The following TBC1D2 variants were observed in gnomAD, a reference collection of about 807,000 sequenced individuals.
TBC1D2 encodes the protein TBC1 domain family member 2A.
TBC1D2 carries 58 observed loss-of-function variants against 91.1 expected under a neutral mutation model. The ratio of observed to expected loss-of-function variants is 0.64; its 90% CI spans 0.52 to 0.79. TBC1D2 has a LOEUF of 0.79. Among genes scored for constraint, TBC1D2 ranks in the 30% least tolerant of loss-of-function variants. TBC1D2 has a pLI of 0.00. For synonymous variants in TBC1D2, 482 were observed against 511.5 expected, an observed-to-expected ratio of 0.94 and a Z score of 0.78; for missense variants, 1,080 against 1,208.3, an observed-to-expected ratio of 0.89 and a Z score of 1.57.
intron 5 of TBC1D2, among the ~76,000 whole-genome samples, chr9:98,226,858 T>A (rs1011800236): frequency 2.6e-4 from 39 of 152,184 alleles, no homozygotes; most frequent in African/African-American, 9.4e-4. Context: ...CCCTTATTAA[T>A]CTCCAAGAAT....
Position 98,233,464 on chromosome 9 carries a change from C to T in TBC1D2, c.733G>A (p.Glu245Lys), listed in dbSNP as rs1172657218. Residue 245 changes from glutamate to lysine, a missense_variant, in exon 4 of 13, where the codon GAG (glutamate) becomes AAG (lysine). Glu to Lys is a moderately conservative substitution (Grantham distance 56). Transcript: ENST00000465784. The stretch of plus-strand genomic sequence containing the variant: ...AAGGGCTGCTCCTCCCTCTGAGGCT[C>T]CCCACTCTGTGGAGAATCTTCCCCT... ...PPGEDSPQSG[E>K]PQREEQPLAS... 4.3e-6 allele frequency: 7 copies of T among 1,614,038 alleles called. No individual in the cohort carries two copies. In the African/African-American group the frequency reaches 9.3e-5, roughly 22 times the overall value.
In TBC1D2 at chr9:98,210,643, C is replaced by T; in HGVS notation, c.1673+13G>A. ...CTCACATAGACCAGCCCTTCCTGGG[C>T]CGCCAGGCTCACCTGATGGGGCTCA... On this transcript the variant is annotated intron_variant, in intron 8 of 12. Transcript: ENST00000465784. 11 of 1,567,194 alleles carry T rather than the reference C, an allele frequency of 7.0e-6. No homozygotes were observed. Among genetic ancestry groups the T allele is most frequent in the Non-Finnish European group, 9.5e-6 (11 of 1,154,028 alleles).
Position 98,208,710 on chromosome 9 carries a change from G to A in TBC1D2, c.2108C>T (p.Ser703Phe). 6.5e-7 allele frequency: 1 copy of A among 1,543,448 alleles called. No individual in the cohort carries two copies. The highest frequency in any genetic ancestry group is 8.8e-7 in the Non-Finnish European group (1 of 1,141,594). The change falls in exon 9 of 13, where the codon TCC (serine) becomes TTC (phenylalanine). Residue 703 changes from serine (S) to phenylalanine (F), a missense_variant. Ser to Phe is a radical substitution (Grantham distance 155). Coordinates refer to ENST00000465784, the MANE Select transcript of TBC1D2 (RefSeq NM_001267571.2). Reference sequence around the variant, plus strand: ...GTAGCCGATGGTGGGGTTCTGCCAGGAGAAGGCCAGCAGCACCCGGCGGAG... The same window carrying A: ...GTAGCCGATGGTGGGGTTCTGCCAGAAGAAGGCCAGCAGCACCCGGCGGAG... ...DKLRRVLLAF[S>F]WQNPTIGYCQ...
intron 3 of TBC1D2, among the ~76,000 whole-genome samples, chr9:98,239,173 C>T (rs1328957890): frequency 6.6e-6 from 1 of 152,122 alleles, no homozygotes; most frequent in South Asian, 2.1e-4. Context: ...ATCCTTCCAC[C>T]TCAGCCTACA....
At chr9:98,218,579 TA>T (rs897420526) in intron 6 of TBC1D2, among the ~76,000 whole-genome samples, 4 of 151,034 alleles carry the variant, frequency 2.6e-5, no homozygotes, top group East Asian at 1.9e-4. Context: ...AAAATAAAAA[TA>T]AAAAAAAATA....
At chr9:98,209,472 T>C (rs755056544) in intron 8 of TBC1D2, among the ~76,000 whole-genome samples, 7 of 152,198 alleles carry the variant, frequency 4.6e-5, no homozygotes, top group Non-Finnish European at 1.0e-4. Context: ...TATTACTCCA[T>C]GCAGCCTTAG....
chr9:98,235,444 GA>G, intron 3 of TBC1D2: 1 of 480,390 alleles, frequency 2.1e-6, no homozygotes, highest in Non-Finnish European at 4.1e-6. Flanking sequence ...ACAGCTAATT[GA>G]AAAAATGAAT....
At chr9:98,233,870 C>T (rs1490264154) in intron 3 of TBC1D2, among the ~76,000 whole-genome samples, 2 of 152,188 alleles carry the variant, frequency 1.3e-5, no homozygotes, top group Admixed American at 6.5e-5. Flanking sequence ...TTAACTGATG[C>T]ACCTACAATG....
chr9:98,203,273 C>T lies in TBC1D2; in HGVS notation c.2271+15G>A, dbSNP rs1828558499. On this transcript the variant is annotated intron_variant, in intron 10 of 12. Coordinates refer to ENST00000465784, the MANE Select transcript of TBC1D2 (RefSeq NM_001267571.2). Reference sequence around the variant, plus strand: ...GCCCTACATGGCTGCAAAGTCCCCTCCTGGCCCCACTTACCTGGGATGCCG... The same window carrying T: ...GCCCTACATGGCTGCAAAGTCCCCTTCTGGCCCCACTTACCTGGGATGCCG... 6.2e-7 allele frequency: 1 copy of T among 1,613,910 alleles called. No homozygotes were observed. Among genetic ancestry groups the T allele is most frequent in the Non-Finnish European group, 8.5e-7 (1 of 1,179,914 alleles).
intron 12 of TBC1D2, among the ~76,000 whole-genome samples, 157 bp from the exon 13 acceptor site, chr9:98,199,745 C>T (rs1828435822): frequency 6.6e-6 from 1 of 152,146 alleles, no homozygotes; most frequent in African/African-American, 2.4e-5. Context: ...GATTTCCACC[C>T]ACAGAGATAT....
intron 3 of TBC1D2, among the ~76,000 whole-genome samples, chr9:98,242,929 C>T (rs1486996483): frequency 1.3e-5 from 2 of 149,054 alleles, no homozygotes; most frequent in Non-Finnish European, 3.0e-5. Context: ...CAGGCACATG[C>T]CACTATGCCT....
rs146600112 is a variant in TBC1D2, at chr9:98,221,088, G to A, written c.1119C>T (p.Gly373=). 6.2e-6 allele frequency: 10 copies of A among 1,608,102 alleles called. No homozygotes were observed. In the African/African-American group the frequency reaches 1.2e-4, roughly 19 times the overall value. The change falls in exon 6 of 13, where the codon GGC becomes GGT. Residue 373 remains glycine, a synonymous_variant. Coordinates refer to ENST00000465784, the MANE Select transcript of TBC1D2 (RefSeq NM_001267571.2). ...CCTGCTCCAGGGCCTCCACCCGCCGGCCCAGCTCCGCGATCTGCCGCACTT... is the reference window on the plus strand; with the variant it reads ...CCTGCTCCAGGGCCTCCACCCGCCGACCCAGCTCCGCGATCTGCCGCACTT... ...RHKVRQIAEL[G]RRVEALEQER...
intron 9 of TBC1D2, among the ~76,000 whole-genome samples, chr9:98,204,239 G>C (rs962884857): frequency 2.0e-5 from 3 of 152,182 alleles, no homozygotes; most frequent in African/African-American, 7.2e-5. Context: ...CAAGATGCTA[G>C]GTGAACACAA....
In TBC1D2 at chr9:98,221,163, T is replaced by C. The variant is rs756081843; in HGVS notation, c.1044A>G (p.Ala348=). The change falls in exon 6 of 13, where the codon GCA becomes GCG. Residue 348 remains alanine, a synonymous_variant. Coordinates refer to ENST00000465784, the MANE Select transcript of TBC1D2 (RefSeq NM_001267571.2). ...AAQQEKRASS[A]YLAAAEDKDR... ...CCTTGTCCTCAGCCGCCGCCAGGTA[T>C]GCGCTGGACGCCCGCTTCTCCTGCT... 2.6e-6 allele frequency: 4 copies of C among 1,568,540 alleles called. No homozygotes were observed. Among genetic ancestry groups the C allele is most frequent in the South Asian group, 2.3e-5 (2 of 86,208 alleles).
intron 6 of TBC1D2, among the ~76,000 whole-genome samples, chr9:98,215,391 C>A (rs1329499884): frequency 6.6e-6 from 1 of 152,164 alleles, no homozygotes; most frequent in Non-Finnish European, 1.5e-5. Context: ...TCCTAGCAAC[C>A]CTAGAAGGGA....
chr9:98,217,308 C>G (rs10116612), intron 6 of TBC1D2, among the ~76,000 whole-genome samples: 75 of 152,326 alleles, frequency 4.9e-4, no homozygotes, highest in African/African-American at 1.2e-3. Flanking sequence ...AGCAGGAGCC[C>G]GGGAATTCTC....
At chr9:98,244,613 C>G (rs146486714) in intron 2 of TBC1D2, among the ~76,000 whole-genome samples, 3 of 143,788 alleles carry the variant, frequency 2.1e-5, no homozygotes, top group African/African-American at 5.2e-5. Context: ...GGGCCGAGAT[C>G]GCGCCATTGC....
chr9:98,221,020 T>G lies in TBC1D2; in HGVS notation c.1187A>C (p.Gln396Pro), dbSNP rs754819098. The change falls in exon 6 of 13, where the codon CAG (glutamine) becomes CCG (proline). Residue 396 changes from glutamine to proline, a missense_variant. Gln to Pro is a moderately conservative substitution (Grantham distance 76). Coordinates refer to ENST00000465784, the MANE Select transcript of TBC1D2 (RefSeq NM_001267571.2). Reference sequence around the variant, plus strand: ...CACGTGCTGCTGTAGCTCCTGCACCTGCTGCTCCCGCAGGCTCGCTGTGTG... The same window carrying G: ...CACGTGCTGCTGTAGCTCCTGCACCGGCTGCTCCCGCAGGCTCGCTGTGTG... ...LAHTASLREQ[Q>P]VQELQQHVQL... 1.9e-5 allele frequency: 31 copies of G among 1,613,972 alleles called. No individual in the cohort carries two copies. The highest frequency in any genetic ancestry group is 2.6e-5 in the Non-Finnish European group (31 of 1,180,018).
In TBC1D2 at chr9:98,221,233, GC is replaced by G; in HGVS notation, c.979-6del. On this transcript the variant is annotated splice_polypyrimidine_tract_variant and splice_region_variant and intron_variant, in intron 5 of 12. Coordinates refer to ENST00000465784, the MANE Select transcript of TBC1D2 (RefSeq NM_001267571.2). ...GTGCAGGATCTTCACTAGCTCCTGG[GC>G]AGGGAGAGGGAAGAATCTTGTGAGC... is the stretch of plus-strand genomic sequence containing the variant. The G allele has an allele frequency of 1.3e-6, 2 of 1,529,164 alleles. No individual in the cohort carries two copies. Among genetic ancestry groups the G allele is most frequent in the Non-Finnish European group, 1.8e-6 (2 of 1,133,088 alleles). The allele number at this position is 1,529,164 out of a possible 1,614,324, so 94.7% of individuals were successfully genotyped here.
Sources: gnomAD v4.1 joint callset for allele counts (sites outside exome capture counted in the v4.1 genomes callset) on GRCh38, gnomAD v4.1.1 for gene constraint, MANE v1.5 for transcripts, NCBI Gene and HGNC (gene_info 2026-07-23, HGNC 2026-07-21) for gene names.